The following HMCN1 variants were observed in gnomAD, a reference collection of about 807,000 sequenced individuals.
HMCN1 encodes hemicentin-1.
In HMCN1, 321 loss-of-function variants were observed where a neutral mutation model predicts 625.9. The ratio of observed to expected loss-of-function variants is 0.51; its 90% CI spans 0.47 to 0.56. The LOEUF (loss-of-function observed/expected upper bound fraction) is 0.56, where lower values mean the gene tolerates loss of function less well. HMCN1 is among the 20% of genes least tolerant of loss of function. The pLI, the probability that HMCN1 is intolerant of heterozygous loss-of-function variation, is 0.00. For missense variants in HMCN1, 6,588 were observed against 6,887.3 expected, an observed-to-expected ratio of 0.96 and a Z score of 1.54; for synonymous variants, 2,425 against 2,417.6, an observed-to-expected ratio of 1.00 and a Z score of -0.09.
intron 2 of HMCN1, among the ~76,000 whole-genome samples, chr1:185,862,286 A>G (rs1027080274): frequency 1.3e-5 from 2 of 152,108 alleles, no homozygotes; most frequent in African/African-American, 4.8e-5. Flanking sequence ...AGTTAAGTGG[A>G]AGGAAAAGCA....
At chr1:186,094,954 C>G (rs1189207798) in intron 67 of HMCN1, among the ~76,000 whole-genome samples, 1 of 152,010 alleles carries the variant, frequency 6.6e-6, no homozygotes, top group Non-Finnish European at 1.5e-5. Flanking sequence ...TACATTACAA[C>G]AAGTTAAAGG....
intron 103 of HMCN1, chr1:186,176,964 C>A (rs1437173104): frequency 2.0e-5 from 3 of 151,754 alleles, no homozygotes; most frequent in Non-Finnish European, 4.4e-5. Context: ...GTCAGGAGAT[C>A]AAGACCATCC....
At chr1:185,964,942 A>G (rs980307731) in intron 13 of HMCN1, among the ~76,000 whole-genome samples, 6 of 152,194 alleles carry the variant, frequency 3.9e-5, no homozygotes, top group African/African-American at 1.4e-4. Context: ...GTAACAGGGT[A>G]AGGTTAAAAA....
intron 36 of HMCN1, among the ~76,000 whole-genome samples, chr1:186,023,866 GAA>G (rs1319268286): frequency 3.3e-5 from 5 of 152,046 alleles, no homozygotes; most frequent in African/African-American, 1.2e-4. Context: ...ATTAAACCTA[GAA>G]TAATGTCCTA....
At chr1:186,042,533 G>A (rs928086097) in intron 40 of HMCN1, among the ~76,000 whole-genome samples, 7 of 152,108 alleles carry the variant, frequency 4.6e-5, no homozygotes, top group African/African-American at 1.7e-4. Flanking sequence ...AGGAATTACA[G>A]AAACATGCAT....
chr1:185,977,006 C>CAT (rs1651261501), intron 15 of HMCN1, among the ~76,000 whole-genome samples: 1 of 152,030 alleles, frequency 6.6e-6, no homozygotes, highest in South Asian at 2.1e-4. Context: ...CCTCCCTAAA[C>CAT]AGGATTCCTA....
intron 1 of HMCN1, among the ~76,000 whole-genome samples, chr1:185,828,667 A>G (rs1660670586): frequency 6.6e-6 from 1 of 152,140 alleles, no homozygotes. Context: ...CAGCACCACA[A>G]GGAAAAGTGC....
At chr1:185,782,948 C>G (rs1657249195) in intron 1 of HMCN1, among the ~76,000 whole-genome samples, 1 of 152,158 alleles carries the variant, frequency 6.6e-6, no homozygotes, top group Admixed American at 6.5e-5. Flanking sequence ...TGTTTTCCAA[C>G]TTGGTTCCAT....
chr1:186,019,803 C>T, intron 35 of HMCN1, 108 bp downstream of exon 35: 1 of 896,708 alleles, frequency 1.1e-6, no homozygotes, highest in African/African-American at 1.7e-5. Flanking sequence ...ACAGATTTTG[C>T]AGAAAATTTA....
chr1:186,151,960 T>G (rs1210127685), intron 95 of HMCN1, among the ~76,000 whole-genome samples: 2 of 152,174 alleles, frequency 1.3e-5, no homozygotes, highest in African/African-American at 2.4e-5. Flanking sequence ...ACCCTAAAAG[T>G]TTTTCTCCTC....
chr1:185,883,082 C>T (rs1440007677), intron 4 of HMCN1, among the ~76,000 whole-genome samples: 1 of 151,978 alleles, frequency 6.6e-6, no homozygotes, highest in Non-Finnish European at 1.5e-5. Flanking sequence ...AATTACTATG[C>T]TTTTGAATAA....
intron 6 of HMCN1, among the ~76,000 whole-genome samples, chr1:185,918,629 C>T (rs886859384): frequency 8.5e-5 from 13 of 152,116 alleles, no homozygotes; most frequent in African/African-American, 2.7e-4. Context: ...TTTGCCAAAC[C>T]GTGACCTTAC....
At chr1:185,932,444 A>G (rs951526904) in intron 10 of HMCN1, among the ~76,000 whole-genome samples, 1 of 152,210 alleles carries the variant, frequency 6.6e-6, no homozygotes, top group Non-Finnish European at 1.5e-5. Context: ...ACACACTTTC[A>G]TATTAAACTA....
At chr1:186,089,443 C>T (rs905999163) in intron 63 of HMCN1, among the ~76,000 whole-genome samples, 3 of 151,946 alleles carry the variant, frequency 2.0e-5, no homozygotes. Context: ...TATTACGTAT[C>T]TGTTGTGTGC....
intron 1 of HMCN1, among the ~76,000 whole-genome samples, chr1:185,758,029 A>G (rs565483983): frequency 6.6e-6 from 1 of 152,336 alleles, no homozygotes; most frequent in African/African-American, 2.4e-5. Context: ...AATCACCCTT[A>G]TTTAAAATAC....
intron 4 of HMCN1, among the ~76,000 whole-genome samples, chr1:185,883,879 ATTTTTTTTTT>A (rs1205211897): frequency 1.3e-4 from 7 of 55,934 alleles, no homozygotes; most frequent in Admixed American, 2.0e-4. Context: ...ATAGGTCATG[ATTTTTTTTTT>A]TTTTTTTTTT....
At chr1:186,063,067 C>CGTATATAT (rs1491268573) in intron 48 of HMCN1, among the ~76,000 whole-genome samples, 3 of 59,854 alleles carry the variant, frequency 5.0e-5, no homozygotes, top group African/African-American at 2.9e-4. Flanking sequence ...TGTGTGTGTG[C>CGTATATAT]ATATATATAT....
intron 1 of HMCN1, among the ~76,000 whole-genome samples, chr1:185,776,593 A>G (rs1656631808): frequency 6.6e-6 from 1 of 152,128 alleles, no homozygotes; most frequent in African/African-American, 2.4e-5. Context: ...CTAAGGATGA[A>G]GCTTACTTCA....
At chr1:185,855,556 C>T (rs1222512566) in intron 2 of HMCN1, among the ~76,000 whole-genome samples, 1 of 152,000 alleles carries the variant, frequency 6.6e-6, no homozygotes, top group Non-Finnish European at 1.5e-5. Flanking sequence ...TTCTAATTTG[C>T]TAATCAAGAT....
Sources: allele counts gnomAD v4.1 joint callset (sites outside exome capture counted in the v4.1 genomes callset), GRCh38; gene constraint gnomAD v4.1.1; transcripts MANE v1.5; gene names NCBI Gene and HGNC (gene_info 2026-07-23, HGNC 2026-07-21).